The following DLG2 variants were observed in gnomAD, a reference collection of about 807,000 sequenced individuals.
DLG2 encodes the protein discs large MAGUK scaffold protein 2.
In DLG2, 45 loss-of-function variants were observed where a neutral mutation model predicts 132.5. The observed-to-expected ratio is 0.34, with a 90% CI of 0.27 to 0.44. The LOEUF is 0.44. Ranked by LOEUF, DLG2 falls within the 20% of genes least tolerant of loss-of-function variation. The probability of loss-of-function intolerance (pLI) is 1.00; values close to 1 mark genes in which losing one functional copy is unlikely to be tolerated. For synonymous variants in DLG2, 424 were observed against 419.6 expected, an observed-to-expected ratio of 1.01 and a Z score of -0.13; for missense variants, 1,045 against 1,196.9, an observed-to-expected ratio of 0.87 and a Z score of 1.87.
At chr11:85,363,981 C>T (rs2084349617) in intron 3 of DLG2, among the ~76,000 whole-genome samples, 1 of 152,100 alleles carries the variant, frequency 6.6e-6, no homozygotes, top group African/African-American at 2.4e-5. Context: ...AAACAAAAGT[C>T]ATGTTTCCTA....
At chr11:83,692,052 C>G (rs1392729747) in intron 18 of DLG2, 1 of 152,188 alleles carries the variant, frequency 6.6e-6, no homozygotes, top group Non-Finnish European at 1.5e-5. Flanking sequence ...AGGAACTAAG[C>G]AGTGTATATT....
At chr11:85,113,268 G>A (rs1222724037) in intron 5 of DLG2, among the ~76,000 whole-genome samples, 1 of 151,920 alleles carries the variant, frequency 6.6e-6, no homozygotes, top group African/African-American at 2.4e-5. Flanking sequence ...TTAGTATTTT[G>A]CCTAATTCAC....
rs2060282522 is a variant in DLG2 at position 85,023,751 on chromosome 11, A to G, written c.357+87910T>C. Among the ~76,000 whole-genome samples, 3 of 152,230 alleles carry G rather than the reference A, an allele frequency of 2.0e-5. No homozygotes were observed. In the South Asian group the frequency reaches 6.2e-4, roughly 32 times the overall value. ...AATATTCTATATAAGATATCATAGG[A>G]TAGAGATATATTTAAAAATACTAGT... On this transcript the variant is annotated intron_variant, in intron 6 of 27. Transcript: ENST00000376104.
At chr11:85,212,401 G>C (rs1422234438) in intron 4 of DLG2, among the ~76,000 whole-genome samples, 3 of 152,042 alleles carry the variant, frequency 2.0e-5, no homozygotes, top group Admixed American at 6.6e-5. Flanking sequence ...AGTAAAAAAT[G>C]AATGGGTTTG....
At chr11:84,275,084 G>A (rs1040953430) in intron 7 of DLG2, among the ~76,000 whole-genome samples, 2 of 152,168 alleles carry the variant, frequency 1.3e-5, no homozygotes, top group African/African-American at 2.4e-5. Context: ...ATTCCTCTCT[G>A]AAATTCTTAA....
chr11:85,140,333 A>C (rs983149876), intron 5 of DLG2, among the ~76,000 whole-genome samples: 1 of 151,948 alleles, frequency 6.6e-6, no homozygotes, highest in Non-Finnish European at 1.5e-5. Flanking sequence ...TCATCTTTTG[A>C]CTTTTATTTA....
chr11:83,962,134 T>C (rs757916513), intron 14 of DLG2, among the ~76,000 whole-genome samples: 5 of 152,052 alleles, frequency 3.3e-5, no homozygotes, highest in Non-Finnish European at 5.9e-5. Flanking sequence ...CCATCTATCA[T>C]TCTTTACACA....
intron 4 of DLG2, among the ~76,000 whole-genome samples, chr11:85,244,296 A>C (rs939000668): frequency 6.6e-6 from 1 of 151,990 alleles, no homozygotes; most frequent in Non-Finnish European, 1.5e-5. Context: ...TTAAATATTC[A>C]GTCATCATTG....
intron 8 of DLG2, among the ~76,000 whole-genome samples, chr11:84,194,634 G>A (rs1419520634): frequency 1.3e-5 from 2 of 152,192 alleles, no homozygotes; most frequent in African/African-American, 4.8e-5. Flanking sequence ...TACAATCCCT[G>A]AGCTAGACAC....
chr11:85,099,405 T>C (rs1286604659), intron 6 of DLG2, among the ~76,000 whole-genome samples: 4 of 152,340 alleles, frequency 2.6e-5, no homozygotes, highest in Middle Eastern at 3.4e-3. Context: ...CTCTTTTATA[T>C]ACTTCAGGCA....
intron 18 of DLG2, among the ~76,000 whole-genome samples, chr11:83,641,873 G>GTGTGTGTGTGTGTGTGTA (rs2066630889): frequency 6.8e-6 from 1 of 146,728 alleles, no homozygotes; most frequent in Non-Finnish European, 1.5e-5. Context: ...GTGTGTGTGT[G>GTGTGTGTGTGTGTGTGTA]TGTGTGTGTG....
chr11:85,408,648 T>C, intron 3 of DLG2, among the ~76,000 whole-genome samples: 1 of 150,320 alleles, frequency 6.7e-6, no homozygotes, highest in Non-Finnish European at 1.5e-5. Context: ...CATGCGGTGT[T>C]TGGTTTTTTG....
intron 9 of DLG2, among the ~76,000 whole-genome samples, chr11:84,121,023 A>C (rs1347425171): frequency 6.6e-6 from 1 of 152,200 alleles, no homozygotes; most frequent in African/African-American, 2.4e-5. Context: ...CATTCAATTC[A>C]TTAATTTATT....
chr11:83,616,584 C>A (rs953423133), intron 19 of DLG2, among the ~76,000 whole-genome samples: 3 of 151,800 alleles, frequency 2.0e-5, no homozygotes. Context: ...TTACAAATAT[C>A]TTTTCCTGTG....
chr11:83,783,731 C>T (rs926135860), intron 18 of DLG2, among the ~76,000 whole-genome samples: 3 of 152,114 alleles, frequency 2.0e-5, no homozygotes, highest in African/African-American at 7.2e-5. Context: ...TTCTTTCTCC[C>T]TCCACTCCTG....
intron 8 of DLG2, among the ~76,000 whole-genome samples, chr11:84,234,894 C>A (rs756288811): frequency 6.6e-6 from 1 of 152,062 alleles, no homozygotes; most frequent in Non-Finnish European, 1.5e-5. Flanking sequence ...GTAGAAAATC[C>A]CCTCCCCTTT....
At chr11:84,044,282 A>G (rs1416685944) in intron 11 of DLG2, among the ~76,000 whole-genome samples, 1 of 151,856 alleles carries the variant, frequency 6.6e-6, no homozygotes, top group Non-Finnish European at 1.5e-5. Flanking sequence ...AGATTAGATT[A>G]CAATAATACG....
At chr11:85,144,751 T>C (rs1042763720) in intron 5 of DLG2, among the ~76,000 whole-genome samples, 3 of 152,020 alleles carry the variant, frequency 2.0e-5, no homozygotes, top group African/African-American at 7.2e-5. Context: ...TGACTTTTAG[T>C]TGTTTCTATA....
intron 3 of DLG2, among the ~76,000 whole-genome samples, chr11:85,441,818 C>G (rs1033600941): frequency 1.8e-4 from 28 of 151,820 alleles, no homozygotes; most frequent in African/African-American, 6.3e-4. Context: ...GGAATAAATA[C>G]ATAATTTTAA....
Sources: gnomAD v4.1 joint callset for allele counts (sites outside exome capture counted in the v4.1 genomes callset) on GRCh38, gnomAD v4.1.1 for gene constraint, MANE v1.5 for transcripts, NCBI Gene and HGNC (gene_info 2026-07-23, HGNC 2026-07-21) for gene names.